The following PBLD variants were observed in gnomAD, a reference collection of about 807,000 sequenced individuals.
PBLD encodes phenazine biosynthesis like protein domain containing, also known as phenazine biosynthesis-like domain-containing protein.
Under a neutral mutation model 31.3 loss-of-function variants are expected in PBLD, and 26 were observed. The ratio of observed to expected loss-of-function variants is 0.83; its 90% CI spans 0.61 to 1.15. The LOEUF (loss-of-function observed/expected upper bound fraction) is 1.15. Among genes scored for constraint, PBLD ranks in the 50% most tolerant of loss-of-function variants. The probability of loss-of-function intolerance (pLI) is 0.00; values close to 1 mark genes in which losing one functional copy is unlikely to be tolerated. For synonymous variants in PBLD, 114 were observed against 129.0 expected, an observed-to-expected ratio of 0.88 and a Z score of 0.79; for missense variants, 307 against 351.7, an observed-to-expected ratio of 0.87 and a Z score of 1.02.
intron 1 of PBLD, among the ~76,000 whole-genome samples, chr10:68,328,318 T>C (rs2044955895): frequency 6.6e-6 from 1 of 152,242 alleles, no homozygotes; most frequent in Non-Finnish European, 1.5e-5. Flanking sequence ...ACTGGGGATA[T>C]GTGAACAAAT....
chr10:68,329,958 G>C (rs779035423), intron 1 of PBLD, among the ~76,000 whole-genome samples: 18 of 152,046 alleles, frequency 1.2e-4, no homozygotes, highest in Non-Finnish European at 1.8e-4. Context: ...CTAGGACTTA[G>C]GCACTTCATC....
intron 7 of PBLD, 85 bp from the exon 8 acceptor site, chr10:68,288,746 G>C (rs2044319233): frequency 6.8e-6 from 10 of 1,469,072 alleles, no homozygotes; most frequent in Non-Finnish European, 9.4e-6. Context: ...CCAGGGTGCA[G>C]CTTGCTCAAA....
Position 68,289,443 on chromosome 10 carries a change from C to G in PBLD, c.424-424G>C, listed in dbSNP as rs527439777. Reference sequence around the variant, plus strand: ...TCGGGAGGCTGAGGCAAGAGAATCACTTGAACCTGGTGAACCAAGAATCAC... The same window carrying G: ...TCGGGAGGCTGAGGCAAGAGAATCAGTTGAACCTGGTGAACCAAGAATCAC... On this transcript the variant is annotated intron_variant, in intron 6 of 9. Coordinates refer to ENST00000358769, the MANE Select transcript of PBLD (RefSeq NM_022129.4). Among the ~76,000 whole-genome samples the G allele has an allele frequency of 3.9e-5, 6 of 152,206 alleles. No homozygotes were observed. In the East Asian group the frequency reaches 1.2e-3, roughly 29 times the overall value.
At chr10:68,288,330 C>T in intron 8 of PBLD, 153 bp downstream of exon 8, 1 of 785,186 alleles carries the variant, frequency 1.3e-6, no homozygotes, top group Non-Finnish European at 2.0e-6. Flanking sequence ...TGGAAGACTT[C>T]AGTGAAGGGA....
chr10:68,324,776 C>T (rs953791777), intron 1 of PBLD, among the ~76,000 whole-genome samples: 16 of 151,648 alleles, frequency 1.1e-4, no homozygotes, highest in East Asian at 2.0e-4. Context: ...CACTATTGCC[C>T]GGCTAATTTT....
intron 1 of PBLD, among the ~76,000 whole-genome samples, chr10:68,316,506 C>T (rs2134512134): frequency 6.6e-6 from 1 of 152,222 alleles, no homozygotes; most frequent in East Asian, 1.9e-4. Flanking sequence ...GGGACATCAT[C>T]AAGTATACCA....
At chr10:68,309,411 A>AC (rs2044630320) in intron 1 of PBLD, among the ~76,000 whole-genome samples, 2 of 82,926 alleles carry the variant, frequency 2.4e-5, no homozygotes, top group Admixed American at 2.4e-4. Flanking sequence ...TGTTTCAAAA[A>AC]AAAAAAAAAA....
At chr10:68,331,654 C>G (rs1342171306) in intron 1 of PBLD, 1 of 152,312 alleles carries the variant, frequency 6.6e-6, no homozygotes, top group East Asian at 1.9e-4. Flanking sequence ...ACGTGGGGCC[C>G]TTTCCGCGCC....
At chr10:68,301,375 C>T (rs766216479) in intron 2 of PBLD, among the ~76,000 whole-genome samples, 6 of 152,152 alleles carry the variant, frequency 3.9e-5, no homozygotes, top group Admixed American at 6.6e-5. Flanking sequence ...AAAGTCCCAG[C>T]CAACAAGACA....
chr10:68,331,893 C>G (rs773608215), intron 1 of PBLD: 13 of 152,350 alleles, frequency 8.5e-5, no homozygotes, highest in South Asian at 4.1e-4. Context: ...AGCCTCTGCT[C>G]GGTCTACCTC....
chr10:68,288,978 A>C lies in PBLD; in HGVS notation c.465T>G (p.Ser155=), dbSNP rs1355637721. Reference sequence around the variant, plus strand: ...GGACGAGGAGCTTTTGGGTATCTGGAGAATAACAGATGTCCTGGACCAGTG... The same window carrying C: ...GGACGAGGAGCTTTTGGGTATCTGGCGAATAACAGATGTCCTGGACCAGTG... The part of the protein sequence containing the change: ...GNTLVQDICY[S]PDTQKLLVRL... The change falls in exon 7 of 10, where the codon TCT becomes TCG. Residue 155 remains serine, a synonymous_variant. Coordinates refer to ENST00000358769, the MANE Select transcript of PBLD (RefSeq NM_022129.4). The C allele has an allele frequency of 6.2e-7, 1 of 1,614,028 alleles. No individual in the cohort carries two copies. The highest frequency in any genetic ancestry group is 1.3e-5 in the African/African-American group (1 of 74,922).
intron 8 of PBLD, chr10:68,286,975 A>G (rs1313501162): frequency 6.6e-6 from 1 of 152,164 alleles, no homozygotes; most frequent in Non-Finnish European, 1.5e-5. Flanking sequence ...TTAAAATACA[A>G]AAAATTAGCC....
intron 1 of PBLD, among the ~76,000 whole-genome samples, chr10:68,328,015 G>A (rs1470138707): frequency 6.6e-6 from 1 of 152,106 alleles, no homozygotes; most frequent in Non-Finnish European, 1.5e-5. Context: ...GAACACTTAG[G>A]TGACTTAGAG....
intron 1 of PBLD, among the ~76,000 whole-genome samples, chr10:68,312,512 C>G (rs1041802548): frequency 6.6e-6 from 1 of 151,512 alleles, no homozygotes; most frequent in Non-Finnish European, 1.5e-5. Context: ...GGATACTTTG[C>G]CTTTTGTCCA....
chr10:68,291,886 C>A, intron 6 of PBLD, 124 bp downstream of exon 6: 1 of 1,126,602 alleles, frequency 8.9e-7, no homozygotes, highest in Admixed American at 2.5e-5. Context: ...TATTAAAATT[C>A]AAACCTGAAA....
Position 68,307,210 on chromosome 10 carries a change from AGTAGCGTCAG to A in PBLD, c.-59-317_-59-308del, listed in dbSNP as rs529664296. Among the ~76,000 whole-genome samples, 72 of 151,848 alleles carry A rather than the reference AGTAGCGTCAG, an allele frequency of 4.7e-4. 1 individual carries two copies. The East Asian group carries it at 0.014, about 29-fold the overall frequency. On this transcript the variant is annotated intron_variant, in intron 1 of 9. Coordinates refer to ENST00000358769, the MANE Select transcript of PBLD (RefSeq NM_022129.4). Reference sequence around the variant, plus strand: ...ACGCCTGGCTAATTTCTGTGTTTTTAGTAGCGTCAGGTTTTCACGGTGTAGGCCAGGCTGG... The same window carrying A: ...ACGCCTGGCTAATTTCTGTGTTTTTAGTTTTCACGGTGTAGGCCAGGCTGG...
At position 68,285,341 on chromosome 10, in the gene PBLD, G is replaced by C; in HGVS notation, c.754+7C>G. On this transcript the variant is annotated splice_region_variant and intron_variant, in intron 9 of 9. Transcript: ENST00000358769. Reference sequence around the variant, plus strand: ...ATAAAAAAGAAATTGGTAAAGAGCTGTCCTACCATGCATTTCTTTCTTCCC... The same window carrying C: ...ATAAAAAAGAAATTGGTAAAGAGCTCTCCTACCATGCATTTCTTTCTTCCC... 6.2e-7 allele frequency: 1 copy of C among 1,614,028 alleles called. No homozygotes were observed. Among genetic ancestry groups the C allele is most frequent in the Non-Finnish European group, 8.5e-7 (1 of 1,179,972 alleles).
At chr10:68,289,862 C>G (rs4746754) in intron 6 of PBLD, among the ~76,000 whole-genome samples, 119,803 of 152,010 alleles carry the variant, frequency 0.79, 47,833 homozygotes, top group Non-Finnish European at 0.86. Flanking sequence ...ACACGGCAAG[C>G]ACTCAGGGCT....
chr10:68,331,027 T>G (rs1202925748), intron 1 of PBLD: 1 of 152,096 alleles, frequency 6.6e-6, no homozygotes, highest in East Asian at 1.9e-4. Context: ...TGCGCTGCCA[T>G]CACGCCCAGC....
Sources: gnomAD v4.1 joint callset for allele counts (sites outside exome capture counted in the v4.1 genomes callset) on GRCh38, gnomAD v4.1.1 for gene constraint, MANE v1.5 for transcripts, NCBI Gene and HGNC (gene_info 2026-07-23, HGNC 2026-07-21) for gene names.